The following SORCS3 variants were observed in gnomAD, a reference collection of about 807,000 sequenced individuals.
The protein encoded by SORCS3 is sortilin related VPS10 domain containing receptor 3.
In SORCS3, 57 loss-of-function variants were observed where a neutral mutation model predicts 146.3. The observed-to-expected ratio is 0.39, with a 90% CI of 0.31 to 0.49. The LOEUF (loss-of-function observed/expected upper bound fraction) is 0.49. Ranked by LOEUF, SORCS3 falls within the 20% of genes least tolerant of loss-of-function variation. The probability of loss-of-function intolerance (pLI) is 0.92; values close to 1 mark genes in which losing one functional copy is unlikely to be tolerated. For synonymous variants in SORCS3, 653 were observed against 618.5 expected (o/e 1.06, Z -0.83); for missense variants, 1,341 against 1,575.5 (o/e 0.85, Z 2.52).
chr10:104,677,551 C>T (rs780233567), intron 1 of SORCS3, among the ~76,000 whole-genome samples: 5 of 152,142 alleles, frequency 3.3e-5, no homozygotes, highest in Non-Finnish European at 5.9e-5. Flanking sequence ...TGGCAGAAAA[C>T]GTTGCTGAAG....
chr10:104,642,410 C>G (rs1485871502), intron 1 of SORCS3, among the ~76,000 whole-genome samples: 3 of 144,670 alleles, frequency 2.1e-5, no homozygotes, highest in East Asian at 2.1e-4. Flanking sequence ...TCCCGTCACG[C>G]GAAAGGGAAC....
intron 1 of SORCS3, among the ~76,000 whole-genome samples, chr10:104,738,323 C>A (rs1348482313): frequency 1.3e-5 from 2 of 152,064 alleles, no homozygotes; most frequent in African/African-American, 4.8e-5. Flanking sequence ...TAAATGTGAT[C>A]ATTTTTTCTT....
chr10:104,903,656 C>A (rs1165241188), intron 2 of SORCS3, among the ~76,000 whole-genome samples: 2 of 152,174 alleles, frequency 1.3e-5, no homozygotes, highest in African/African-American at 2.4e-5. Flanking sequence ...GACTCAGTGA[C>A]CCCTGGTAGC....
chr10:104,902,964 C>A (rs532703863), intron 2 of SORCS3, among the ~76,000 whole-genome samples: 17 of 152,274 alleles, frequency 1.1e-4, no homozygotes, highest in East Asian at 7.7e-4. Flanking sequence ...ACCATGGAGA[C>A]CCCCTGAGCA....
At chr10:104,687,153 C>T (rs1324871749) in intron 1 of SORCS3, among the ~76,000 whole-genome samples, 2 of 152,226 alleles carry the variant, frequency 1.3e-5, no homozygotes, top group African/African-American at 4.8e-5. Flanking sequence ...ATCCATGCAT[C>T]CATCCATTCC....
intron 17 of SORCS3, among the ~76,000 whole-genome samples, chr10:105,213,842 G>A (rs2056648975): frequency 6.9e-6 from 1 of 145,724 alleles, no homozygotes; most frequent in Admixed American, 7.1e-5. Context: ...TATGCTGAGT[G>A]GGAAATGAAA....
intron 7 of SORCS3, among the ~76,000 whole-genome samples, chr10:105,110,981 T>C (rs903441501): frequency 6.0e-4 from 91 of 152,088 alleles, no homozygotes; most frequent in Non-Finnish European, 8.8e-4. Context: ...TGAAATCCAA[T>C]TTCCTTACCA....
chr10:104,859,811 T>G (rs1013850898), intron 2 of SORCS3, among the ~76,000 whole-genome samples: 27 of 151,406 alleles, frequency 1.8e-4, no homozygotes, highest in African/African-American at 5.6e-4. Context: ...AAAAGACACA[T>G]GAAAAAATGC....
intron 1 of SORCS3, among the ~76,000 whole-genome samples, chr10:104,791,858 G>A (rs528882666): frequency 2.6e-5 from 4 of 152,066 alleles, no homozygotes; most frequent in Admixed American, 2.6e-4. Flanking sequence ...GAATGAAGAG[G>A]GTTCATTCTC....
intron 3 of SORCS3, among the ~76,000 whole-genome samples, chr10:104,940,231 TATATATA>T (rs1311321343): frequency 2.2e-3 from 39 of 18,006 alleles, no homozygotes; most frequent in Middle Eastern, 0.02. Context: ...TATATATATA[TATATATA>T]TTTTTTTTTT....
At chr10:105,046,751 C>T (rs570074403) in intron 5 of SORCS3, among the ~76,000 whole-genome samples, 14 of 152,124 alleles carry the variant, frequency 9.2e-5, no homozygotes, top group Middle Eastern at 3.4e-3. Context: ...AATCTTACAC[C>T]GTGGAGTGAC....
intron 2 of SORCS3, among the ~76,000 whole-genome samples, chr10:104,909,114 C>G (rs1044849386): frequency 6.6e-6 from 1 of 152,148 alleles, no homozygotes; most frequent in Non-Finnish European, 1.5e-5. Flanking sequence ...CATACCCCTC[C>G]TGCTTTTGCA....
In SORCS3 at chr10:105,002,346, G is replaced by T. The variant is rs182835892; in HGVS notation, c.954+24853G>T. On this transcript the variant is annotated intron_variant, in intron 4 of 26. Coordinates refer to ENST00000369701, the MANE Select transcript of SORCS3 (RefSeq NM_014978.3). ...TTCATTCTTCCCACAAACATTTATG[G>T]GTTCATTTTCACAGAATAACCTTTT... Among the ~76,000 whole-genome samples, 11 of 152,218 alleles carry T rather than the reference G, an allele frequency of 7.2e-5. No homozygotes were observed. In the South Asian group the frequency reaches 1.9e-3, roughly 26 times the overall value.
chr10:105,019,345 C>T (rs1393050126), intron 4 of SORCS3, among the ~76,000 whole-genome samples: 2 of 152,190 alleles, frequency 1.3e-5, no homozygotes, highest in Non-Finnish European at 2.9e-5. Flanking sequence ...CCAGTTGTCT[C>T]CATTGCCCAC....
At chr10:105,151,679 C>G (rs2056168772) in intron 9 of SORCS3, among the ~76,000 whole-genome samples, 1 of 151,996 alleles carries the variant, frequency 6.6e-6, no homozygotes, top group Non-Finnish European at 1.5e-5. Context: ...AGCCTTGGCA[C>G]TGAAAAATCC....
At chr10:104,665,698 G>T (rs992513821) in intron 1 of SORCS3, 2 of 152,224 alleles carry the variant, frequency 1.3e-5, no homozygotes, top group African/African-American at 4.8e-5. Context: ...ATTGTGTAGT[G>T]CTCCTTAGTA....
chr10:104,861,524 C>G (rs749661782), intron 2 of SORCS3, among the ~76,000 whole-genome samples: 1 of 152,186 alleles, frequency 6.6e-6, no homozygotes, highest in African/African-American at 2.4e-5. Context: ...CCTAATCCCT[C>G]AGGACTCCAG....
intron 4 of SORCS3, among the ~76,000 whole-genome samples, chr10:105,030,186 A>G (rs1377794804): frequency 6.6e-6 from 1 of 152,228 alleles, no homozygotes; most frequent in African/African-American, 2.4e-5. Context: ...TAATGATTTT[A>G]AAACAGTAAA....
At chr10:104,913,975 G>T (rs2018997188) in intron 2 of SORCS3, among the ~76,000 whole-genome samples, 1 of 151,826 alleles carries the variant, frequency 6.6e-6, no homozygotes, top group African/African-American at 2.4e-5. Context: ...CACCATCTTG[G>T]CCAGGCTGGT....
Sources: allele counts gnomAD v4.1 joint callset (sites outside exome capture counted in the v4.1 genomes callset), GRCh38; gene constraint gnomAD v4.1.1; transcripts MANE v1.5; gene names NCBI Gene and HGNC (gene_info 2026-07-23, HGNC 2026-07-21).